The following CELF5 variants were observed in gnomAD, a reference collection of about 807,000 sequenced individuals.
The protein encoded by CELF5 is CUGBP Elav-like family member 5.
Under a neutral mutation model 54.9 loss-of-function variants are expected in CELF5, and 6 were observed. The ratio of observed to expected loss-of-function variants is 0.11; its 90% CI spans 0.06 to 0.22. The LOEUF (loss-of-function observed/expected upper bound fraction) is 0.22. Ranked by LOEUF, CELF5 falls within the 10% of genes least tolerant of loss-of-function variation. The pLI, the probability that CELF5 is intolerant of heterozygous loss-of-function variation, is 1.00. For synonymous variants in CELF5, 271 were observed against 290.9 expected, an observed-to-expected ratio of 0.93 and a Z score of 0.70; for missense variants, 401 against 678.6, an observed-to-expected ratio of 0.59 and a Z score of 4.54.
chr19:3,272,308 G>C (rs1351456278), intron 2 of CELF5, among the ~76,000 whole-genome samples: 1 of 151,812 alleles, frequency 6.6e-6, no homozygotes, highest in African/African-American at 2.4e-5. Flanking sequence ...GGTGGAGGCT[G>C]CAGTAAGCCG....
At chr19:3,235,076 G>A (rs1391727684) in intron 1 of CELF5, among the ~76,000 whole-genome samples, 5 of 151,502 alleles carry the variant, frequency 3.3e-5, no homozygotes, top group Non-Finnish European at 7.4e-5. Context: ...TCTCCTCCTC[G>A]CTCCCTCTGT....
intron 11 of CELF5, 119 bp downstream of exon 11, chr19:3,290,493 A>C (rs1599488909): frequency 1.2e-5 from 14 of 1,127,154 alleles, no homozygotes; most frequent in African/African-American, 1.5e-5. Context: ...CACAATCAGA[A>C]CCAGCCTGTG....
chr19:3,255,035 C>A (rs1416980422), intron 2 of CELF5, among the ~76,000 whole-genome samples: 1 of 152,172 alleles, frequency 6.6e-6, no homozygotes, highest in Non-Finnish European at 1.5e-5. Flanking sequence ...CATCTATCCA[C>A]CAAATTTTTA....
At position 3,273,965 on chromosome 19, in the gene CELF5, G is replaced by A. The variant is rs371999347; in HGVS notation, c.394+42G>A. On this transcript the variant is annotated intron_variant, in intron 3 of 12. Transcript: ENST00000292672. ...GGCTGCCAGGCTGGGGGTTGGCGGA[G>A]GAATGGGAGAAGAAGGAAAATCTCT... 8.8e-6 allele frequency: 14 copies of A among 1,589,498 alleles called. No individual in the cohort carries two copies. In the African/African-American group the frequency reaches 1.2e-4, roughly 14 times the overall value.
Position 3,228,875 on chromosome 19 carries a change from CGTGTGTGTGTGTGTGTGTGT to C in CELF5, c.259+3898_259+3917del, listed in dbSNP as rs60632293. Among the ~76,000 whole-genome samples the C allele has an allele frequency of 1.6e-5, 2 of 124,108 alleles. No individual in the cohort carries two copies. The highest frequency in any genetic ancestry group is 7.8e-5 in the Admixed American group (1 of 12,826). 81.4% of individuals were successfully genotyped at this position (124,108 alleles called of 152,430 possible). On this transcript the variant is annotated intron_variant, in intron 1 of 12. Transcript: ENST00000292672. The surrounding 1 kb of genome is among the most constrained non-coding windows in gnomAD (Gnocchi z 6.0). ...GGGGGTGGCTGGCAGGGTTGGCCGGCGTGTGTGTGTGTGTGTGTGTGTGTGTGTGTGTGTGTGTGTACGCG... is the reference window on the plus strand; with the variant it reads ...GGGGGTGGCTGGCAGGGTTGGCCGGCGTGTGTGTGTGTGTGTGTGTACGCG...
chr19:3,244,506 T>C (rs1339293796), intron 1 of CELF5, among the ~76,000 whole-genome samples: 2 of 145,932 alleles, frequency 1.4e-5, no homozygotes, highest in East Asian at 2.1e-4. Flanking sequence ...TGCATCTGTG[T>C]GGTGTGCATG....
At chr19:3,295,046 GA>G (rs1003610160) in intron 12 of CELF5, 5 of 152,374 alleles carry the variant, frequency 3.3e-5, no homozygotes, top group African/African-American at 1.2e-4. Context: ...TCCCCCAGGT[GA>G]GGGGCCTTCC....
intron 1 of CELF5, among the ~76,000 whole-genome samples, chr19:3,233,194 C>T (rs1917352247): frequency 1.3e-5 from 2 of 152,012 alleles, no homozygotes; most frequent in Admixed American, 1.3e-4. Context: ...GGCTGAGGTG[C>T]GAGGATGGCT....
intron 2 of CELF5, among the ~76,000 whole-genome samples, chr19:3,272,194 C>G (rs774397242): frequency 1.3e-5 from 2 of 151,862 alleles, no homozygotes; most frequent in Non-Finnish European, 2.9e-5. Context: ...GGTGAAACCC[C>G]ATCTCTACTA....
chr19:3,293,547 C>A (rs1319785825), intron 12 of CELF5, 61 bp downstream of exon 12: 2 of 1,383,670 alleles, frequency 1.4e-6, no homozygotes, highest in Admixed American at 4.7e-5. Flanking sequence ...AACCCCCTCC[C>A]GCGGCCCACT....
At chr19:3,244,410 GTGTA>G (rs1186090140) in intron 1 of CELF5, among the ~76,000 whole-genome samples, 2 of 148,446 alleles carry the variant, frequency 1.3e-5, no homozygotes, top group South Asian at 2.2e-4. Flanking sequence ...CATGCATTGT[GTGTA>G]TGTGTGTGTA....
chr19:3,289,275 G>A (rs2080302338), intron 10 of CELF5, among the ~76,000 whole-genome samples: 1 of 151,968 alleles, frequency 6.6e-6, no homozygotes. Flanking sequence ...TTTTTTTTTG[G>A]CTAGACGCAG....
Position 3,268,581 on chromosome 19 carries a change from T to C in CELF5, c.343-5291T>C, listed in dbSNP as rs1328351397. On this transcript the variant is annotated intron_variant, in intron 2 of 12. Coordinates refer to ENST00000292672, the MANE Select transcript of CELF5 (RefSeq NM_021938.4). This position sits in a 1 kb window ranked among gnomAD's most constrained non-coding sequence, Gnocchi z 4.4. Reference sequence around the variant, plus strand: ...GCTCTTGGCTGATGGGGATGGAGCCTGGGTTTTGCTTTCCGAGGAGTCTAC... The same window carrying C: ...GCTCTTGGCTGATGGGGATGGAGCCCGGGTTTTGCTTTCCGAGGAGTCTAC... 6.6e-6 allele frequency among the ~76,000 whole-genome samples: 1 copy of C among 152,094 alleles called. No homozygotes were observed. The highest frequency in any genetic ancestry group is 1.5e-5 in the Non-Finnish European group (1 of 68,024).
chr19:3,279,061 G>C (rs1411610040), intron 5 of CELF5, among the ~76,000 whole-genome samples: 1 of 152,180 alleles, frequency 6.6e-6, no homozygotes, highest in Admixed American at 6.5e-5. Flanking sequence ...GGCTAATGTA[G>C]AGGATGGGCA....
Position 3,282,105 on chromosome 19 carries a change from G to GT in CELF5, c.751-20dup. ...TCTCAGGGCAGATATCACCCCAACT[G>GT]TGACATGTCTTCACCCCCAGCTCAT... is the stretch of plus-strand genomic sequence containing the variant. On this transcript the variant is annotated intron_variant, in intron 6 of 12. Coordinates refer to ENST00000292672, the MANE Select transcript of CELF5 (RefSeq NM_021938.4). The surrounding 1 kb of genome is among the most constrained non-coding windows in gnomAD (Gnocchi z 5.2). 6.2e-7 allele frequency: 1 copy of GT among 1,614,006 alleles called. No individual in the cohort carries two copies. Among genetic ancestry groups the GT allele is most frequent in the Non-Finnish European group, 8.5e-7 (1 of 1,179,956 alleles).
intron 1 of CELF5, among the ~76,000 whole-genome samples, chr19:3,241,115 G>A (rs1307943014): frequency 2.7e-5 from 4 of 150,340 alleles, no homozygotes; most frequent in African/African-American, 4.9e-5. Context: ...AGGCTGGAGC[G>A]CAGTGGCACC....
At position 3,281,123 on chromosome 19, in the gene CELF5, A is replaced by G. The variant is rs2080143582; in HGVS notation, c.604-76A>G. The stretch of plus-strand genomic sequence containing the variant: ...ACCCCTCACCCAGGAGGCCTGAGCT[A>G]ACATGAATCCAGGGACCCCAGAGTC... On this transcript the variant is annotated intron_variant, in intron 5 of 12. Coordinates refer to ENST00000292672, the MANE Select transcript of CELF5 (RefSeq NM_021938.4). This position sits in a 1 kb window ranked among gnomAD's most constrained non-coding sequence, Gnocchi z 6.5. The G allele has an allele frequency of 6.5e-7, 1 of 1,532,196 alleles. No individual in the cohort carries two copies. Among genetic ancestry groups the G allele is most frequent in the African/African-American group, 1.4e-5 (1 of 73,768 alleles). The allele number at this position is 1,532,196 out of a possible 1,614,324, so 94.9% of individuals were successfully genotyped here.
At chr19:3,272,376 AAAAGAAAAAAAG>A (rs2079982091) in intron 2 of CELF5, among the ~76,000 whole-genome samples, 2 of 152,222 alleles carry the variant, frequency 1.3e-5, no homozygotes, top group Middle Eastern at 3.4e-3. Context: ...CCAAGAAAAA[AAAAGAAAAAAAG>A]AAAAGAAAAA....
intron 1 of CELF5, among the ~76,000 whole-genome samples, chr19:3,244,559 C>T (rs529536616): frequency 2.9e-5 from 4 of 137,010 alleles, no homozygotes; most frequent in East Asian, 2.3e-4. Flanking sequence ...GCATGCATTG[C>T]GTGTGATGTG....
Sources: gnomAD v4.1 joint callset for allele counts (sites outside exome capture counted in the v4.1 genomes callset) on GRCh38, gnomAD v4.1.1 for gene constraint, Gnocchi (gnomAD v3.1) non-coding constraint, MANE v1.5 for transcripts, NCBI Gene and HGNC (gene_info 2026-07-23, HGNC 2026-07-21) for gene names.